ADGRV1: variants seen among roughly 807,000 people sequenced by gnomAD.
ADGRV1 encodes the protein adhesion G protein-coupled receptor V1.
Under a neutral mutation model 596.2 loss-of-function variants are expected in ADGRV1, and 359 were observed. The ratio of observed to expected loss-of-function variants is 0.60; its 90% CI spans 0.55 to 0.66. ADGRV1 has a LOEUF of 0.66. Ranked by LOEUF, ADGRV1 falls within the 30% of genes least tolerant of loss-of-function variation. The probability of loss-of-function intolerance (pLI) is 0.00; values close to 1 mark genes in which losing one functional copy is unlikely to be tolerated. For missense variants in ADGRV1, 7,274 were observed against 7,575.6 expected, an observed-to-expected ratio of 0.96 and a Z score of 1.48; for synonymous variants, 2,681 against 2,679.2, an observed-to-expected ratio of 1.00 and a Z score of -0.02.
intron 82 of ADGRV1, among the ~76,000 whole-genome samples, chr5:90,862,849 C>A (rs1359984429): frequency 6.6e-6 from 1 of 152,146 alleles, no homozygotes; most frequent in Non-Finnish European, 1.5e-5. Context: ...TTTGCAGATG[C>A]CCAGTCCACT....
chr5:90,656,567 T>C (rs1325265330), intron 20 of ADGRV1, among the ~76,000 whole-genome samples: 1 of 152,184 alleles, frequency 6.6e-6, no homozygotes, highest in Admixed American at 6.5e-5. Context: ...CCATTGAATC[T>C]GGAGCTCCAG....
chr5:90,980,972 T>C (rs1041434891), intron 84 of ADGRV1, among the ~76,000 whole-genome samples: 2 of 152,318 alleles, frequency 1.3e-5, no homozygotes, highest in African/African-American at 4.8e-5. Flanking sequence ...GGTTACTCTC[T>C]GTGAGATGTG....
At chr5:90,702,605 G>A (rs891233795) in intron 34 of ADGRV1, among the ~76,000 whole-genome samples, 5 of 151,468 alleles carry the variant, frequency 3.3e-5, no homozygotes, top group South Asian at 2.1e-4. Flanking sequence ...AAAATGTGGC[G>A]GTTTAAAAAA....
intron 83 of ADGRV1, among the ~76,000 whole-genome samples, chr5:90,939,983 A>G (rs1776033957): frequency 6.6e-6 from 1 of 152,204 alleles, no homozygotes; most frequent in Non-Finnish European, 1.5e-5. Flanking sequence ...ACCTAGCCTC[A>G]TATCTTCACA....
At chr5:90,745,852 G>A in intron 52 of ADGRV1, 57 bp downstream of exon 52, 1 of 1,017,868 alleles carries the variant, frequency 9.8e-7, no homozygotes, top group Non-Finnish European at 1.5e-6. Context: ...TATTGTATTT[G>A]TGTATTAGCT....
chr5:90,723,299 A>G (rs924276103), intron 45 of ADGRV1, among the ~76,000 whole-genome samples: 4 of 152,154 alleles, frequency 2.6e-5, no homozygotes, highest in South Asian at 4.1e-4. Context: ...GAGAGACCCA[A>G]GCATGTGTAG....
intron 68 of ADGRV1, 120 bp from the exon 69 acceptor site, chr5:90,789,582 C>T: frequency 3.4e-6 from 2 of 596,212 alleles, no homozygotes; most frequent in Non-Finnish European, 5.5e-6. Flanking sequence ...AGAGTATATT[C>T]AAGTGTCATT....
intron 58 of ADGRV1, among the ~76,000 whole-genome samples, chr5:90,762,284 C>T (rs1581038328): frequency 6.6e-6 from 1 of 152,148 alleles, no homozygotes; most frequent in African/African-American, 2.4e-5. Context: ...CCAGGCTCCT[C>T]ATCTCCAGAT....
At chr5:90,781,282 T>G in intron 64 of ADGRV1, 148 bp from the exon 65 acceptor site, 1 of 702,272 alleles carries the variant, frequency 1.4e-6, no homozygotes, top group Non-Finnish European at 2.5e-6. Context: ...AAGAGAATAT[T>G]TTAGCGTTGA....
At chr5:90,706,173 G>T in intron 37 of ADGRV1, 58 bp from the exon 38 acceptor site, 3 of 1,488,800 alleles carry the variant, frequency 2.0e-6, no homozygotes, top group Non-Finnish European at 2.7e-6. Flanking sequence ...ATTCACAAGG[G>T]GATATTATTG....
intron 74 of ADGRV1, among the ~76,000 whole-genome samples, chr5:90,812,365 T>G (rs1220879744): frequency 6.6e-6 from 1 of 152,248 alleles, no homozygotes; most frequent in Non-Finnish European, 1.5e-5. Flanking sequence ...CTTATAATTG[T>G]ACATATTTAG....
At chr5:91,117,103 A>G (rs191851356) in intron 87 of ADGRV1, among the ~76,000 whole-genome samples, 29 of 152,320 alleles carry the variant, frequency 1.9e-4, no homozygotes, top group Admixed American at 3.3e-4. Context: ...GAAAAATCTA[A>G]TATGTAAGCA....
chr5:90,675,399 A>G lies in ADGRV1; in HGVS notation c.5267A>G (p.Glu1756Gly), dbSNP rs1773084170. 5.6e-6 allele frequency: 9 copies of G among 1,613,718 alleles called. No homozygotes were observed. The highest frequency in any genetic ancestry group is 7.6e-6 in the Non-Finnish European group (9 of 1,179,862). ...GGACTTCTGGGAAGGGTGACTGCGG[A>G]ATTTAGAACAGTGTCCTTGACAGCA... ...AQGLLGRVTA[E>G]FRTVSLTAFS... is the part of the protein sequence containing the mutation. The change falls in exon 24 of 90, where the codon GAA becomes GGA. Residue 1756 changes from glutamate to glycine, a missense_variant. By Grantham distance (98) the Glu-to-Gly change is moderately conservative (BLOSUM62 -2). Around this residue, in one of 5 missense-constraint regions of ADGRV1, gnomAD observed 3,643 missense variants for 3,809.2 expected, o/e 0.96. Coordinates refer to ENST00000405460, the MANE Select transcript of ADGRV1 (RefSeq NM_032119.4).
chr5:90,694,716 TA>T lies in ADGRV1; in HGVS notation c.7945+18del. ...CTTTGCTGAAGGTGAGCAATGGTTCTAAATGAATTTCCGTTGCCCCAGTAAA... is the reference window on the plus strand; with the variant it reads ...CTTTGCTGAAGGTGAGCAATGGTTCTAATGAATTTCCGTTGCCCCAGTAAA... On this transcript the variant is annotated intron_variant, in intron 33 of 89. Coordinates refer to ENST00000405460, the MANE Select transcript of ADGRV1 (RefSeq NM_032119.4). The T allele has an allele frequency of 6.5e-7, 1 of 1,538,380 alleles. No individual in the cohort carries two copies. Among genetic ancestry groups the T allele is most frequent in the Non-Finnish European group, 8.7e-7 (1 of 1,145,444 alleles).
At chr5:91,097,247 T>C (rs955810061) in intron 86 of ADGRV1, among the ~76,000 whole-genome samples, 2 of 152,130 alleles carry the variant, frequency 1.3e-5, no homozygotes, top group African/African-American at 2.4e-5. Flanking sequence ...CCTCACATGG[T>C]GGAAGGGGCA....
chr5:91,080,874 C>A (rs1789296676), intron 86 of ADGRV1, among the ~76,000 whole-genome samples: 1 of 152,090 alleles, frequency 6.6e-6, no homozygotes, highest in African/African-American at 2.4e-5. Flanking sequence ...TATAAGAACC[C>A]TTTCAATATG....
At chr5:90,585,832 A>G (rs895570681) in intron 1 of ADGRV1, among the ~76,000 whole-genome samples, 3 of 152,238 alleles carry the variant, frequency 2.0e-5, no homozygotes, top group African/African-American at 7.2e-5. Context: ...GAACGAAGCC[A>G]TCTTATGGCA....
intron 85 of ADGRV1, among the ~76,000 whole-genome samples, chr5:91,065,849 T>A (rs1180970114): frequency 2.0e-5 from 3 of 152,198 alleles, no homozygotes; most frequent in Non-Finnish European, 2.9e-5. Flanking sequence ...ACTTGTTTCA[T>A]CTGGCGAAAT....
chr5:90,897,562 T>C (rs1771452523), intron 83 of ADGRV1, among the ~76,000 whole-genome samples: 1 of 152,162 alleles, frequency 6.6e-6, no homozygotes, highest in Admixed American at 6.5e-5. Flanking sequence ...TTGATAATCA[T>C]ATTTTCTCCT....
Sources: gnomAD v4.1 joint callset for allele counts (sites outside exome capture counted in the v4.1 genomes callset) on GRCh38, gnomAD v4.1.1 for gene constraint, gnomAD v4.1.1 regional missense constraint, MANE v1.5 for transcripts, NCBI Gene and HGNC (gene_info 2026-07-23, HGNC 2026-07-21) for gene names.